The following RNF138 variants were observed in gnomAD, a reference collection of about 807,000 sequenced individuals.
The protein encoded by RNF138 is ring finger protein 138.
In RNF138, 12 loss-of-function variants were observed where a neutral mutation model predicts 31.0. The observed-to-expected ratio is 0.39, with a 90% confidence interval of 0.25 to 0.63. The LOEUF is 0.63. Ranked by LOEUF, RNF138 falls within the 20% of genes least tolerant of loss-of-function variation. RNF138 has a pLI of 0.52. For missense variants in RNF138, 192 were observed against 300.1 expected (o/e 0.64, Z 2.66); for synonymous variants, 105 against 99.5 (o/e 1.06, Z -0.33).
rs1568244995 is a variant in RNF138, at chr18:32,130,428, G to A, written c.*1241G>A. ...CTACTTTTTAGTTAAAATTGGGTAT[G>A]TTCTTAATATTCATTAGTGAGAATC... is the stretch of plus-strand genomic sequence containing the variant. On this transcript the variant is annotated 3_prime_UTR_variant, in exon 8 of 8. Coordinates refer to ENST00000261593, the MANE Select transcript of RNF138 (RefSeq NM_016271.5). The A allele has an allele frequency of 6.6e-6, 1 of 152,334 alleles. No homozygotes were observed. Among genetic ancestry groups the A allele is most frequent in the African/African-American group, 2.4e-5 (1 of 41,412 alleles). The allele number at this position is 152,334 out of a possible 1,614,324, so 9.4% of individuals were successfully genotyped here.
chr18:32,092,417 C>T (rs544274798), intron 1 of RNF138, among the ~76,000 whole-genome samples, 182 bp downstream of exon 1: 1 of 151,704 alleles, frequency 6.6e-6, no homozygotes, highest in Non-Finnish European at 1.5e-5. Flanking sequence ...GAGCCCGCGC[C>T]TGGAGCCCGG....
At chr18:32,116,248 TCTC>T (rs1280636414) in intron 4 of RNF138, among the ~76,000 whole-genome samples, 1 of 152,118 alleles carries the variant, frequency 6.6e-6, no homozygotes, top group Non-Finnish European at 1.5e-5. Flanking sequence ...ACTTTTTTCT[TCTC>T]CTTGAAGACT....
chr18:32,123,609 T>TGATA, intron 5 of RNF138, 35 bp downstream of exon 5: 1 of 1,349,092 alleles, frequency 7.4e-7, no homozygotes, highest in Non-Finnish European at 1.0e-6. Flanking sequence ...CTTTAGCAAG[T>TGATA]AATATTATAT....
At chr18:32,092,339 G>C (rs1014933330) in intron 1 of RNF138, 104 bp downstream of exon 1, 1 of 159,252 alleles carries the variant, frequency 6.3e-6, no homozygotes, top group Admixed American at 6.5e-5. Flanking sequence ...CGGGGTCGGG[G>C]TGAGTAGAGG....
At chr18:32,097,275 ACAAG>A (rs1312531366) in intron 2 of RNF138, among the ~76,000 whole-genome samples, 2 of 152,192 alleles carry the variant, frequency 1.3e-5, no homozygotes, top group African/African-American at 4.8e-5. Flanking sequence ...ATTACATATA[ACAAG>A]TTTGATTCTT....
intron 4 of RNF138, among the ~76,000 whole-genome samples, chr18:32,118,169 TGAA>T (rs763026509): frequency 1.3e-5 from 2 of 152,260 alleles, no homozygotes; most frequent in Non-Finnish European, 2.9e-5. Flanking sequence ...TAAATAGCTA[TGAA>T]GAAATCTGGC....
At chr18:32,125,769 A>G (rs1190024515) in intron 6 of RNF138, among the ~76,000 whole-genome samples, 3 of 151,622 alleles carry the variant, frequency 2.0e-5, no homozygotes, top group Admixed American at 6.6e-5. Context: ...CTGTCTATTT[A>G]AAAATAAAGA....
intron 2 of RNF138, among the ~76,000 whole-genome samples, chr18:32,100,110 A>G (rs181671570): frequency 5.9e-5 from 9 of 152,208 alleles, no homozygotes; most frequent in Non-Finnish European, 1.0e-4. Flanking sequence ...GGACTGCCTA[A>G]TAGGTGCCTA....
intron 1 of RNF138, 173 bp from the exon 2 acceptor site, chr18:32,092,527 A>G (rs985359430): frequency 2.7e-5 from 13 of 486,082 alleles, no homozygotes; most frequent in Middle Eastern, 5.3e-4. Context: ...CCCGCCAAGC[A>G]CCGTCCCCCA....
chr18:32,126,227 C>G (rs2040381651), intron 6 of RNF138, among the ~76,000 whole-genome samples: 1 of 151,964 alleles, frequency 6.6e-6, no homozygotes. Context: ...GACTGTGTCT[C>G]TAGTTTTAAG....
chr18:32,126,680 CTG>C lies in RNF138; in HGVS notation c.562-11_562-10del. ...TTTATTATTTTTTGTTTAAAACAAT[CTG>C]TTTCTTATAGACATGTCCTATTTGT... On this transcript the variant is annotated splice_polypyrimidine_tract_variant and intron_variant, in intron 6 of 7. Coordinates refer to ENST00000261593, the MANE Select transcript of RNF138 (RefSeq NM_016271.5). 7.1e-7 allele frequency: 1 copy of C among 1,400,792 alleles called. No homozygotes were observed. The highest frequency in any genetic ancestry group is 1.0e-6 in the Non-Finnish European group (1 of 1,000,006). 86.8% of individuals were successfully genotyped at this position (1,400,792 alleles called of 1,614,324 possible). A position where few individuals can be genotyped will look rare whatever the true frequency, so the allele number is the denominator to read the frequency against.
At chr18:32,108,642 T>A (rs1397191072) in intron 2 of RNF138, among the ~76,000 whole-genome samples, 1 of 151,990 alleles carries the variant, frequency 6.6e-6, no homozygotes, top group South Asian at 2.1e-4. Flanking sequence ...TCTAGCAAAT[T>A]TTTTCTGATT....
intron 4 of RNF138, among the ~76,000 whole-genome samples, chr18:32,116,619 A>T (rs1010634559): frequency 6.6e-6 from 1 of 151,474 alleles, no homozygotes; most frequent in Non-Finnish European, 1.5e-5. Flanking sequence ...TGGCGTGAAC[A>T]TGGCTCACTG....
At chr18:32,129,073 T>A in intron 7 of RNF138, 46 bp from the exon 8 acceptor site, 1 of 1,265,906 alleles carries the variant, frequency 7.9e-7, no homozygotes, top group Non-Finnish European at 1.2e-6. Context: ...AGTATTAGAG[T>A]AGTTGAATAT....
intron 2 of RNF138, among the ~76,000 whole-genome samples, chr18:32,111,338 A>G (rs530026351): frequency 6.6e-6 from 1 of 152,242 alleles, no homozygotes; most frequent in South Asian, 2.1e-4. Context: ...AGCTTATGTT[A>G]CTCATCCTTT....
chr18:32,119,345 C>T (rs2040267008), intron 4 of RNF138, among the ~76,000 whole-genome samples: 1 of 152,214 alleles, frequency 6.6e-6, no homozygotes, highest in East Asian at 1.9e-4. Flanking sequence ...AACAGTCCTC[C>T]CGCCTTGGCC....
chr18:32,098,297 C>T (rs1311290390), intron 2 of RNF138, among the ~76,000 whole-genome samples: 1 of 151,942 alleles, frequency 6.6e-6, no homozygotes, highest in Non-Finnish European at 1.5e-5. Flanking sequence ...TGAGCCACTG[C>T]GCCCACAATA....
At position 32,092,793 on chromosome 18, in the gene RNF138, C is replaced by G. The variant is rs770913259; in HGVS notation, c.17C>G (p.Ser6Cys). 2 of 1,590,034 alleles carry G rather than the reference C, an allele frequency of 1.3e-6. No individual in the cohort carries two copies. Among genetic ancestry groups the G allele is most frequent in the Admixed American group, 3.5e-5 (2 of 57,586 alleles). ...TCCCCCGCCATGGCCGAGGACCTCT[C>G]TGCGGCCACGTCCTACACCGAAGAT... Reference protein sequence around the residue: MAEDLSAATSYTEDDF... With the variant: MAEDLCAATSYTEDDF... The change falls in exon 2 of 8, where the codon TCT becomes TGT. Residue 6 changes from serine to cysteine, a missense_variant. By Grantham distance (112) the Ser-to-Cys change is moderately radical. Coordinates refer to ENST00000261593, the MANE Select transcript of RNF138 (RefSeq NM_016271.5).
intron 5 of RNF138, 110 bp downstream of exon 5, chr18:32,123,684 C>T: frequency 1.5e-6 from 1 of 676,636 alleles, no homozygotes; most frequent in Non-Finnish European, 2.3e-6. Context: ...CGGAGTCTCA[C>T]TTTGTTTTCC....
Sources: gnomAD v4.1 joint callset for allele counts (sites outside exome capture counted in the v4.1 genomes callset) on GRCh38, gnomAD v4.1.1 for gene constraint, MANE v1.5 for transcripts, NCBI Gene and HGNC (gene_info 2026-07-23, HGNC 2026-07-21) for gene names.